PARN: variants seen among roughly 807,000 people sequenced by gnomAD.
PARN encodes poly(A)-specific ribonuclease PARN.
PARN carries 71 observed loss-of-function variants against 102.8 expected under a neutral mutation model. That is an observed-to-expected ratio of 0.69 (90% CI 0.57 to 0.84). PARN has a LOEUF of 0.84. PARN is among the 40% of genes least tolerant of loss of function. The probability of loss-of-function intolerance (pLI) is 0.00; values close to 1 mark genes in which losing one functional copy is unlikely to be tolerated. For synonymous variants in PARN, 261 were observed against 252.9 expected (o/e 1.03, Z -0.30); for missense variants, 782 against 760.9 (o/e 1.03, Z -0.33).
chr16:14,602,059 T>C, intron 11 of PARN: 1 of 151,238 alleles, frequency 6.6e-6, no homozygotes, highest in Admixed American at 6.6e-5. Flanking sequence ...GCCTCCCGAG[T>C]AGCTGGGAAT....
At chr16:14,617,145 G>A (rs1292264531) in intron 6 of PARN, among the ~76,000 whole-genome samples, 1 of 151,416 alleles carries the variant, frequency 6.6e-6, no homozygotes, top group Non-Finnish European at 1.5e-5. Context: ...AGCATTTTTG[G>A]AGGCCAAGGT....
intron 21 of PARN, among the ~76,000 whole-genome samples, chr16:14,518,117 T>C (rs1596556941): frequency 6.6e-6 from 1 of 151,378 alleles, no homozygotes; most frequent in African/African-American, 2.4e-5. Flanking sequence ...TTTAATTTGC[T>C]CTTTTTTAAA....
At chr16:14,553,253 A>ATT (rs1476369735) in intron 20 of PARN, among the ~76,000 whole-genome samples, 13 of 38,022 alleles carry the variant, frequency 3.4e-4, no homozygotes, top group Non-Finnish European at 3.7e-4. Context: ...CCCTATTTCT[A>ATT]TTTAAAAAAA....
chr16:14,560,244 T>C (rs1197558794), intron 18 of PARN, among the ~76,000 whole-genome samples: 2 of 152,222 alleles, frequency 1.3e-5, no homozygotes, highest in African/African-American at 2.4e-5. Context: ...TGAACTGTAT[T>C]GAAGAACAAT....
At chr16:14,622,029 C>A (rs538976063) in intron 5 of PARN, among the ~76,000 whole-genome samples, 1 of 151,856 alleles carries the variant, frequency 6.6e-6, no homozygotes, top group Non-Finnish European at 1.5e-5. Flanking sequence ...TCTGTCCCTA[C>A]TAAAAATACA....
chr16:14,595,813 G>C (rs1207013835), intron 12 of PARN, among the ~76,000 whole-genome samples: 4 of 151,906 alleles, frequency 2.6e-5, no homozygotes, highest in African/African-American at 9.7e-5. Flanking sequence ...TTACAGGAGC[G>C]AGCCACCACA....
At chr16:14,507,972 T>G (rs1435336943) in intron 21 of PARN, among the ~76,000 whole-genome samples, 2 of 152,174 alleles carry the variant, frequency 1.3e-5, no homozygotes, top group African/African-American at 2.4e-5. Context: ...TTCAAGTCCA[T>G]CTATAGTATG....
chr16:14,453,041 T>G (rs1961531984), intron 22 of PARN, among the ~76,000 whole-genome samples: 1 of 152,216 alleles, frequency 6.6e-6, no homozygotes, highest in Admixed American at 6.5e-5. Context: ...TAACTGATTT[T>G]AAAAGTCAAA....
Position 14,630,203 on chromosome 16 carries a change from G to T in PARN, c.-78C>A. On this transcript the variant is annotated 5_prime_UTR_variant, in exon 1 of 24. Coordinates refer to ENST00000437198, the MANE Select transcript of PARN (RefSeq NM_002582.4). ...GGTTCTACTCGCCGAATTCCGCGGC[G>T]ACTGCGGCAGTAGCTGAGGCAGCCG... is the stretch of plus-strand genomic sequence containing the variant. 1.5e-6 allele frequency: 2 copies of T among 1,307,936 alleles called. No homozygotes were observed. Among genetic ancestry groups the T allele is most frequent in the Admixed American group, 2.1e-5 (1 of 47,848 alleles). 81.0% of individuals were successfully genotyped at this position (1,307,936 alleles called of 1,614,324 possible).
intron 21 of PARN, among the ~76,000 whole-genome samples, chr16:14,530,163 C>T (rs1352355930): frequency 1.3e-5 from 2 of 152,186 alleles, no homozygotes; most frequent in South Asian, 2.1e-4. Flanking sequence ...GCTTTAATCA[C>T]GACATCCTTC....
chr16:14,561,885 C>T, intron 18 of PARN, among the ~76,000 whole-genome samples: 1 of 152,260 alleles, frequency 6.6e-6, no homozygotes, highest in East Asian at 1.9e-4. Context: ...GCCACAGTGG[C>T]TTACGCCTGT....
At chr16:14,539,672 A>G (rs1298279883) in intron 21 of PARN, among the ~76,000 whole-genome samples, 2 of 152,246 alleles carry the variant, frequency 1.3e-5, no homozygotes, top group Admixed American at 1.3e-4. Flanking sequence ...GAAGGTATCC[A>G]TCCATACAAA....
At chr16:14,508,896 A>T (rs940580553) in intron 21 of PARN, among the ~76,000 whole-genome samples, 2 of 149,646 alleles carry the variant, frequency 1.3e-5, no homozygotes, top group Non-Finnish European at 3.0e-5. Context: ...CCAGTCTCTT[A>T]ATTTAAAATA....
chr16:14,618,692 G>A (rs935657878), intron 5 of PARN, among the ~76,000 whole-genome samples: 7 of 151,620 alleles, frequency 4.6e-5, no homozygotes, highest in South Asian at 2.1e-4. Context: ...CTGGGCGAAC[G>A]GATTATTCTC....
intron 21 of PARN, among the ~76,000 whole-genome samples, chr16:14,532,220 G>T (rs573892496): frequency 7.0e-6 from 1 of 143,098 alleles, no homozygotes. Context: ...GGTGTTTCTC[G>T]CAGAGGGGGA....
At chr16:14,449,173 C>T (rs542701255) in intron 22 of PARN, among the ~76,000 whole-genome samples, 19 of 152,166 alleles carry the variant, frequency 1.2e-4, no homozygotes, top group Admixed American at 6.5e-4. Flanking sequence ...GCTAGAACCA[C>T]GGGCATTAAA....
chr16:14,607,468 A>G (rs1383906069), intron 9 of PARN, among the ~76,000 whole-genome samples: 1 of 152,164 alleles, frequency 6.6e-6, no homozygotes, highest in African/African-American at 2.4e-5. Context: ...TCGGCCTCCC[A>G]AAGTACCAGG....
At chr16:14,470,755 G>A (rs1962690752) in intron 22 of PARN, among the ~76,000 whole-genome samples, 3 of 152,014 alleles carry the variant, frequency 2.0e-5, no homozygotes, top group Admixed American at 1.3e-4. Flanking sequence ...CATCTGGCCT[G>A]GCTGAGTTTG....
rs564302306 is a variant in PARN at position 14,592,627 on chromosome 16, G to T, written c.918+674C>A. ...ATCTAAGGGAAGCAGCCTAGCAAGG[G>T]CGATCAAGAATTCTGTAGGACTGGA... On this transcript the variant is annotated intron_variant, in intron 13 of 23. Transcript: ENST00000437198. 6.6e-5 allele frequency among the ~76,000 whole-genome samples: 10 copies of T among 152,254 alleles called. No homozygotes were observed. The South Asian group carries it at 1.9e-3, about 28-fold the overall frequency.
Sources: gnomAD v4.1 joint callset for allele counts (sites outside exome capture counted in the v4.1 genomes callset) on GRCh38, gnomAD v4.1.1 for gene constraint, MANE v1.5 for transcripts, NCBI Gene and HGNC (gene_info 2026-07-23, HGNC 2026-07-21) for gene names.